The following DCT variants were observed in gnomAD, a reference collection of about 807,000 sequenced individuals.
The protein encoded by DCT is dopachrome tautomerase.
Under a neutral mutation model 53.0 loss-of-function variants are expected in DCT, and 47 were observed. The observed-to-expected ratio is 0.89, with a 90% CI of 0.70 to 1.13. The LOEUF (loss-of-function observed/expected upper bound fraction) is 1.13. Among genes scored for constraint, DCT ranks in the 50% most tolerant of loss-of-function variants. The pLI is 0.00. For missense variants in DCT, 669 were observed against 637.4 expected, an observed-to-expected ratio of 1.05 and a Z score of -0.53; for synonymous variants, 244 against 237.0, an observed-to-expected ratio of 1.03 and a Z score of -0.27.
At chr13:94,453,447 A>T (rs1883223418) in intron 6 of DCT, among the ~76,000 whole-genome samples, 1 of 152,216 alleles carries the variant, frequency 6.6e-6, no homozygotes, top group Non-Finnish European at 1.5e-5. Flanking sequence ...AAAATTTCAC[A>T]TACAACAATG....
chr13:94,507,356 TA>T, the DCT span, among the ~76,000 whole-genome samples: 1 of 152,184 alleles, frequency 6.6e-6, no homozygotes, highest in Non-Finnish European at 1.5e-5. Flanking sequence ...AGTTTGATAA[TA>T]AAAAACATCT....
At chr13:94,511,504 T>G in the DCT span, among the ~76,000 whole-genome samples, 1 of 151,846 alleles carries the variant, frequency 6.6e-6, no homozygotes, top group African/African-American at 2.4e-5. Context: ...GGACTACAGG[T>G]GTGTGCCACC....
At chr13:94,545,765 T>C in the DCT span, among the ~76,000 whole-genome samples, 1 of 152,058 alleles carries the variant, frequency 6.6e-6, no homozygotes, top group East Asian at 1.9e-4. Context: ...TCATTTCATA[T>C]ATATAAGCGG....
the DCT span, among the ~76,000 whole-genome samples, chr13:94,516,720 AC>A: frequency 4.0e-5 from 6 of 151,766 alleles, no homozygotes; most frequent in East Asian, 7.8e-4. Context: ...ACTTGAGTCC[AC>A]CCCCCCTCAC....
the DCT span, among the ~76,000 whole-genome samples, chr13:94,494,080 G>A: frequency 3.9e-5 from 6 of 152,148 alleles, no homozygotes; most frequent in African/African-American, 1.4e-4. Context: ...CTAAAAGTCT[G>A]GATCTCAAGC....
At chr13:94,480,023 A>G (rs904401008), upstream of DCT, among the ~76,000 whole-genome samples, 9 of 152,196 alleles carry the variant, frequency 5.9e-5, no homozygotes, top group African/African-American at 2.2e-4. Context: ...GCTTTCTGAC[A>G]TGTGTGCAAA....
intron 6 of DCT, among the ~76,000 whole-genome samples, chr13:94,445,973 G>A (rs1012222878): frequency 1.3e-5 from 2 of 152,144 alleles, no homozygotes; most frequent in Non-Finnish European, 2.9e-5. Flanking sequence ...CCCCCTCTGG[G>A]TTCCAGGAAG....
chr13:94,519,054 T>A, the DCT span, among the ~76,000 whole-genome samples: 1 of 152,130 alleles, frequency 6.6e-6, no homozygotes, highest in Non-Finnish European at 1.5e-5. Flanking sequence ...CTAACCTGGT[T>A]ATTTCTTATT....
chr13:94,511,444 C>G, the DCT span, among the ~76,000 whole-genome samples: 4 of 151,888 alleles, frequency 2.6e-5, no homozygotes, highest in South Asian at 8.4e-4. Context: ...ACTGCAACCT[C>G]CACCTCCTGG....
At chr13:94,519,439 A>G in the DCT span, among the ~76,000 whole-genome samples, 2 of 152,296 alleles carry the variant, frequency 1.3e-5, no homozygotes, top group South Asian at 4.1e-4. Flanking sequence ...AGGAGTTTGC[A>G]TTTGGATACT....
At chr13:94,504,436 C>G in the DCT span, among the ~76,000 whole-genome samples, 1 of 152,142 alleles carries the variant, frequency 6.6e-6, no homozygotes, top group Admixed American at 6.5e-5. Context: ...GGCACAATCT[C>G]AGCTCACTGC....
the DCT span, among the ~76,000 whole-genome samples, chr13:94,512,502 A>T: frequency 6.6e-6 from 1 of 152,224 alleles, no homozygotes; most frequent in Non-Finnish European, 1.5e-5. Flanking sequence ...TGTCAATAGG[A>T]ATTATAATTA....
rs1566854217 is a variant in DCT, at chr13:94,472,517, CATACATATATATATATATATATATATAT to C, written c.296-3500_296-3473del. Among the ~76,000 whole-genome samples, 79 of 47,796 alleles carry C rather than the reference CATACATATATATATATATATATATATAT, an allele frequency of 1.7e-3. 4 individuals carry two copies. Among genetic ancestry groups the C allele is most frequent in the Middle Eastern group, 0.014 (1 of 70 alleles). 31.4% of individuals were successfully genotyped at this position (47,796 alleles called of 152,430 possible). ...ATACAGTGAGTTAAATATATACATA[CATACATATATATATATATATATATATAT>C]ATATATATATATATATATATATATT... On this transcript the variant is annotated intron_variant, in intron 1 of 7. Coordinates refer to ENST00000377028, the MANE Select transcript of DCT (RefSeq NM_001922.5).
intron 1 of DCT, among the ~76,000 whole-genome samples, chr13:94,477,234 T>C (rs1885148334): frequency 6.6e-6 from 1 of 152,078 alleles, no homozygotes; most frequent in South Asian, 2.1e-4. Context: ...TAGCTGGGAT[T>C]ACAGGTGCCT....
In DCT at chr13:94,468,972, TG is replaced by T; in HGVS notation, c.368del (p.Pro123HisfsTer3). 6.2e-7 allele frequency: 1 copy of T among 1,614,126 alleles called. No homozygotes were observed. Among genetic ancestry groups the T allele is most frequent in the Non-Finnish European group, 8.5e-7 (1 of 1,180,000 alleles). ...AATGGATGTTCTGCCGAATCACTGGTGGTTTCTTCCGCTCGCAGTTGGGACC... is the reference window on the plus strand; with the variant it reads ...AATGGATGTTCTGCCGAATCACTGGTGTTTCTTCCGCTCGCAGTTGGGACC... ...WTGPNCERKK[P>X]PVIRQNIHSL... is the part of the protein sequence containing the mutation. On this transcript the variant is annotated frameshift_variant, in exon 2 of 8. Coordinates refer to ENST00000377028, the MANE Select transcript of DCT (RefSeq NM_001922.5). LOFTEE classifies it high-confidence loss of function.
chr13:94,523,872 A>ATTT, the DCT span, among the ~76,000 whole-genome samples: 190 of 149,340 alleles, frequency 1.3e-3, 1 homozygote, highest in African/African-American at 4.2e-3. Context: ...TGAGGACTCC[A>ATTT]TTTTTTTTTT....
chr13:94,524,324 C>T, the DCT span, among the ~76,000 whole-genome samples: 9 of 152,246 alleles, frequency 5.9e-5, no homozygotes, highest in Non-Finnish European at 1.5e-5. Flanking sequence ...AGGGAGCAGG[C>T]TGTGGCTACC....
chr13:94,537,738 G>C, the DCT span, among the ~76,000 whole-genome samples: 2 of 152,184 alleles, frequency 1.3e-5, no homozygotes, highest in African/African-American at 4.8e-5. Context: ...TAAGTCAATA[G>C]ATGTAAACAA....
intron 6 of DCT, among the ~76,000 whole-genome samples, chr13:94,456,650 TCTA>T (rs1883430961): frequency 6.6e-6 from 1 of 152,200 alleles, no homozygotes; most frequent in Non-Finnish European, 1.5e-5. Flanking sequence ...ATTGTCCTAA[TCTA>T]CTAAGAGTCA....
Sources: allele counts gnomAD v4.1 joint callset (sites outside exome capture counted in the v4.1 genomes callset), GRCh38; gene constraint gnomAD v4.1.1; transcripts MANE v1.5; gene names NCBI Gene and HGNC (gene_info 2026-07-23, HGNC 2026-07-21).